KIF13A: variants seen among roughly 807,000 people sequenced by gnomAD.
KIF13A encodes kinesin family member 13A.
KIF13A carries 79 observed loss-of-function variants against 212.2 expected under a neutral mutation model. The ratio of observed to expected loss-of-function variants is 0.37; its 90% CI spans 0.31 to 0.45. KIF13A has a LOEUF of 0.45. KIF13A is among the 20% of genes least tolerant of loss of function. The probability of loss-of-function intolerance (pLI) is 1.00; values close to 1 mark genes in which losing one functional copy is unlikely to be tolerated. For missense variants in KIF13A, 1,901 were observed against 2,209.0 expected (o/e 0.86, Z 2.79); for synonymous variants, 789 against 808.6 (o/e 0.98, Z 0.41).
chr6:17,860,060 C>G (rs1162972137), intron 4 of KIF13A, among the ~76,000 whole-genome samples: 2 of 152,072 alleles, frequency 1.3e-5, no homozygotes, highest in Non-Finnish European at 2.9e-5. Context: ...TATAGTGACT[C>G]CCTACTGTCA....
chr6:17,762,177 C>T (rs956969288), downstream of KIF13A, among the ~76,000 whole-genome samples: 2 of 151,724 alleles, frequency 1.3e-5, no homozygotes, highest in Non-Finnish European at 2.9e-5. Flanking sequence ...ATAGCTGGAA[C>T]TACAGGTGCA....
At chr6:17,801,702 C>T (rs574828046) in intron 20 of KIF13A, among the ~76,000 whole-genome samples, 1 of 152,256 alleles carries the variant, frequency 6.6e-6, no homozygotes, top group South Asian at 2.1e-4. Flanking sequence ...TTCCCGGGCT[C>T]GCGCAGCTTT....
In KIF13A at chr6:17,895,552, C is replaced by T. The variant is rs1225900166; in HGVS notation, c.159+2616G>A. Reference sequence around the variant, plus strand: ...CTCTGTTTCACCTTCATACCCTACCCCTGGCTGCATCTCAATCCACTTTAC... The same window carrying T: ...CTCTGTTTCACCTTCATACCCTACCTCTGGCTGCATCTCAATCCACTTTAC... On this transcript the variant is annotated intron_variant, in intron 3 of 38. Transcript: ENST00000259711. The surrounding 1 kb of genome is among the most constrained non-coding windows in gnomAD (Gnocchi z 4.4). 6.6e-6 allele frequency among the ~76,000 whole-genome samples: 1 copy of T among 152,168 alleles called. No homozygotes were observed. The highest frequency in any genetic ancestry group is 1.5e-5 in the Non-Finnish European group (1 of 68,032).
rs1766204766 is a variant in KIF13A, at chr6:17,838,585, T to TGTGG, written c.831-1003_831-1002insCCAC. On this transcript the variant is annotated intron_variant, in intron 9 of 38. Coordinates refer to ENST00000259711, the MANE Select transcript of KIF13A (RefSeq NM_022113.6). The surrounding 1 kb of genome is among the most constrained non-coding windows in gnomAD (Gnocchi z 4.2). Reference sequence around the variant, plus strand: ...GCTGTTAGAATTTTAATAACAGCCATTACCACAGAGTGGCATAAATATGTA... The same window carrying TGTGG: ...GCTGTTAGAATTTTAATAACAGCCATGTGGTACCACAGAGTGGCATAAATATGTA... 1.3e-5 allele frequency among the ~76,000 whole-genome samples: 2 copies of TGTGG among 152,150 alleles called. No homozygotes were observed. The highest frequency in any genetic ancestry group is 6.5e-5 in the Admixed American group (1 of 15,270).
At chr6:17,859,230 G>A (rs1768455360) in intron 4 of KIF13A, among the ~76,000 whole-genome samples, 1 of 152,088 alleles carries the variant, frequency 6.6e-6, no homozygotes, top group Non-Finnish European at 1.5e-5. Flanking sequence ...TGATGTAAAT[G>A]AAACAAACCA....
intron 34 of KIF13A, among the ~76,000 whole-genome samples, chr6:17,775,929 T>C (rs918903239): frequency 6.6e-6 from 1 of 152,124 alleles, no homozygotes; most frequent in African/African-American, 2.4e-5. Context: ...TTGCCCAGGC[T>C]GGAGTGCAAT....
rs1759507638 is a variant in KIF13A, at chr6:17,771,663, T to G, written c.4476+245A>C. ...AACACCTAGAAAACATCTTTCTCAC[T>G]TGAAACATAAAAAAATACTTTGAAA... On this transcript the variant is annotated intron_variant, in intron 37 of 38. Coordinates refer to ENST00000259711, the MANE Select transcript of KIF13A (RefSeq NM_022113.6). The surrounding 1 kb of genome is among the most constrained non-coding windows in gnomAD (Gnocchi z 5.4). 2.4e-6 allele frequency: 1 copy of G among 416,528 alleles called. No homozygotes were observed. The highest frequency in any genetic ancestry group is 3.9e-5 in the Admixed American group (1 of 25,564). 25.8% of individuals were successfully genotyped at this position (416,528 alleles called of 1,614,324 possible). A position where few individuals can be genotyped will look rare whatever the true frequency, so the allele number is the denominator to read the frequency against.
chr6:17,818,192 T>C (rs1252419573), intron 16 of KIF13A, among the ~76,000 whole-genome samples: 1 of 152,196 alleles, frequency 6.6e-6, no homozygotes, highest in African/African-American at 2.4e-5. Context: ...AGAGATGCAT[T>C]CTCAGACCAG....
intron 2 of KIF13A, among the ~76,000 whole-genome samples, chr6:17,954,131 C>G (rs1488792833): frequency 1.3e-5 from 2 of 151,892 alleles, no homozygotes; most frequent in East Asian, 3.9e-4. Flanking sequence ...AACCCTGTCC[C>G]TGCTAAAAAT....
At chr6:17,833,871 A>AAT in intron 12 of KIF13A, 90 bp downstream of exon 12, 1 of 679,228 alleles carries the variant, frequency 1.5e-6, no homozygotes. Flanking sequence ...AAAAAAAAAA[A>AAT]AAGACTTTCT....
Position 17,944,650 on chromosome 6 carries a change from A to C in KIF13A, c.146+42404T>G, listed in dbSNP as rs902071605. ...AAGCCCAGGGCATAAAACAAAACAG[A>C]AACAAAAAACACGTAGAAATTCCAG... On this transcript the variant is annotated intron_variant, in intron 2 of 38. Coordinates refer to ENST00000259711, the MANE Select transcript of KIF13A (RefSeq NM_022113.6). Among the ~76,000 whole-genome samples, 24 of 152,182 alleles carry C rather than the reference A, an allele frequency of 1.6e-4. 1 individual carries two copies. Among genetic ancestry groups the C allele is most frequent in the African/African-American group, 5.8e-4 (24 of 41,442 alleles).
chr6:17,799,052 T>C lies in KIF13A; in HGVS notation c.2790+214A>G, dbSNP rs1199084941. On this transcript the variant is annotated intron_variant, in intron 22 of 38. Transcript: ENST00000259711. This position sits in a 1 kb window ranked among gnomAD's most constrained non-coding sequence, Gnocchi z 4.4. Reference sequence around the variant, plus strand: ...GTAGCAACCTGTCACTGGTGGTTTATATCTTTGGGGAACAAGACTGTTGGT... The same window carrying C: ...GTAGCAACCTGTCACTGGTGGTTTACATCTTTGGGGAACAAGACTGTTGGT... Among the ~76,000 whole-genome samples the C allele has an allele frequency of 6.6e-6, 1 of 152,278 alleles. No homozygotes were observed. Among genetic ancestry groups the C allele is most frequent in the Non-Finnish European group, 1.5e-5 (1 of 68,050 alleles).
rs1763222517 is a variant in KIF13A, at chr6:17,809,155, T to C, written c.2001-225A>G. Among the ~76,000 whole-genome samples, 1 of 152,102 alleles carries C rather than the reference T, an allele frequency of 6.6e-6. No individual in the cohort carries two copies. Among genetic ancestry groups the C allele is most frequent in the South Asian group, 2.1e-4 (1 of 4,820 alleles). The stretch of plus-strand genomic sequence containing the variant: ...TTGAGCAACTTAACTGAAAACCACG[T>C]TTTAAATTATGTAACACGTGAAAAC... On this transcript the variant is annotated intron_variant, in intron 17 of 38. Transcript: ENST00000259711. This position sits in a 1 kb window ranked among gnomAD's most constrained non-coding sequence, Gnocchi z 4.7.
Position 17,838,152 on chromosome 6 carries a change from T to A in KIF13A, c.831-569A>T, listed in dbSNP as rs2150381538. Among the ~76,000 whole-genome samples the A allele has an allele frequency of 6.6e-6, 1 of 151,628 alleles. No individual in the cohort carries two copies. Among genetic ancestry groups the A allele is most frequent in the Middle Eastern group, 3.4e-3 (1 of 292 alleles). On this transcript the variant is annotated intron_variant, in intron 9 of 38. Transcript: ENST00000259711. This position sits in a 1 kb window ranked among gnomAD's most constrained non-coding sequence, Gnocchi z 4.2. ...TCCTGGCCAACATGGTGAAACCCCA[T>A]CTCTACTAAAAATACAAAAATTGCC...
In KIF13A at chr6:17,920,935, A is replaced by G. The variant is rs573966653; in HGVS notation, c.147-22755T>C. ...AATAAACATTGTAAATTGAAAGTGA[A>G]CTGCAAATAAGTTTGCCCTTAAAGG... On this transcript the variant is annotated intron_variant, in intron 2 of 38. Transcript: ENST00000259711. Among the ~76,000 whole-genome samples, 9 of 152,204 alleles carry G rather than the reference A, an allele frequency of 5.9e-5. No homozygotes were observed. The South Asian group carries it at 1.9e-3, about 32-fold the overall frequency.
In KIF13A at chr6:17,850,640, G is replaced by A. The variant is rs1415353447; in HGVS notation, c.583-183C>T. ...TCCACCTCACTCAAGACTTTGTAAT[G>A]TATGAAATGTTTCCCTAATTCTTTC... On this transcript the variant is annotated intron_variant, in intron 7 of 38. Transcript: ENST00000259711. This position sits in a 1 kb window ranked among gnomAD's most constrained non-coding sequence, Gnocchi z 6.2. 6.6e-6 allele frequency among the ~76,000 whole-genome samples: 1 copy of A among 152,136 alleles called. No homozygotes were observed. Among genetic ancestry groups the A allele is most frequent in the African/African-American group, 2.4e-5 (1 of 41,430 alleles).
Position 17,987,527 on chromosome 6 carries a change from GC to G in KIF13A, c.-65del. 3.2e-6 allele frequency: 3 copies of G among 930,654 alleles called. No individual in the cohort carries two copies. Among genetic ancestry groups the G allele is most frequent in the Non-Finnish European group, 3.9e-6 (3 of 766,454 alleles). 57.6% of individuals were successfully genotyped at this position (930,654 alleles called of 1,614,324 possible). A position where few individuals can be genotyped will look rare whatever the true frequency, so the allele number is the denominator to read the frequency against. On this transcript the variant is annotated 5_prime_UTR_variant, in exon 1 of 39. An upstream open reading frame in the 5' UTR loses its in-frame stop. Transcript: ENST00000259711. This position sits in a 1 kb window ranked among gnomAD's most constrained non-coding sequence, Gnocchi z 7.7. ...GGCCTTAGGCGGCCCCTCACGCGCG[GC>G]GCCGCCGCCGCTGCAGCCGCGCGCC...
At chr6:17,964,929 T>C (rs1779167346) in intron 2 of KIF13A, among the ~76,000 whole-genome samples, 1 of 152,028 alleles carries the variant, frequency 6.6e-6, no homozygotes, top group Non-Finnish European at 1.5e-5. Context: ...TTCAAGCGAT[T>C]CTCCCGCCTC....
chr6:17,780,639 C>T (rs1760480368), intron 31 of KIF13A, 91 bp downstream of exon 31: 3 of 1,259,068 alleles, frequency 2.4e-6, no homozygotes, highest in Non-Finnish European at 2.3e-6. Context: ...TTTTGCACAT[C>T]ACAGCACCAA....
Sources: allele counts gnomAD v4.1 joint callset (sites outside exome capture counted in the v4.1 genomes callset), GRCh38; gene constraint gnomAD v4.1.1; non-coding constraint Gnocchi (gnomAD v3.1); transcripts MANE v1.5; gene names NCBI Gene and HGNC (gene_info 2026-07-23, HGNC 2026-07-21).